SLITRK5: variants seen among roughly 807,000 people sequenced by gnomAD.
The protein encoded by SLITRK5 is SLIT and NTRK-like protein 5.
A neutral mutation model predicts 56.2 loss-of-function variants in SLITRK5; 23 were observed. The ratio of observed to expected loss-of-function variants is 0.41; its 90% CI spans 0.29 to 0.58. The LOEUF is 0.58. Among genes scored for constraint, SLITRK5 ranks in the 20% least tolerant of loss-of-function variants. The pLI, the probability that SLITRK5 is intolerant of heterozygous loss-of-function variation, is 0.30. For synonymous variants in SLITRK5, 637 were observed against 531.8 expected (o/e 1.20, Z -2.72); for missense variants, 1,289 against 1,226.6 (o/e 1.05, Z -0.76).
intron 1 of SLITRK5, chr13:87,673,421 G>A (rs1877129172): frequency 2.1e-6 from 1 of 480,942 alleles, no homozygotes. Context: ...TGTAAACGCT[G>A]GAGTTTAATA....
Position 87,676,035 on chromosome 13 carries a change from C to T in SLITRK5, c.647C>T (p.Pro216Leu). The change falls in exon 2 of 2, where the codon CCC becomes CTC. Residue 216 changes from proline (P) to leucine (L), a missense_variant. Physicochemically the swap from Pro to Leu is moderately conservative, Grantham distance 98. This residue lies in a region of SLITRK5 where 291 missense variants were observed against 286.7 expected (regional missense o/e 1.02). Coordinates refer to ENST00000683689, the MANE Select transcript of SLITRK5 (RefSeq NM_001384609.1). ...CGGGGGAACCGGCTGAAACTTCTGCCCTACGTGGGGCTCTTGCAGCACATG... is the reference window on the plus strand; with the variant it reads ...CGGGGGAACCGGCTGAAACTTCTGCTCTACGTGGGGCTCTTGCAGCACATG... Reference protein sequence around the residue: ...DLRGNRLKLLPYVGLLQHMDK... With the variant: ...DLRGNRLKLLLYVGLLQHMDK... The T allele has an allele frequency of 6.2e-7, 1 of 1,614,082 alleles. No individual in the cohort carries two copies.
At position 87,672,196 on chromosome 13, in the gene SLITRK5, T is replaced by G. The variant is rs1341046691; in HGVS notation, c.-22T>G. ...CTGGGTCGGAGAAAGTTGCCCCCTATGCAGATGGCAACTGTGAGTACCCCT... is the reference window on the plus strand; with the variant it reads ...CTGGGTCGGAGAAAGTTGCCCCCTAGGCAGATGGCAACTGTGAGTACCCCT... On this transcript the variant is annotated 5_prime_UTR_variant, in exon 1 of 2. The change abolishes an upstream ATG in the 5' untranslated region. Coordinates refer to ENST00000683689, the MANE Select transcript of SLITRK5 (RefSeq NM_001384609.1). Among the ~76,000 whole-genome samples the G allele has an allele frequency of 1.3e-5, 2 of 151,770 alleles. No homozygotes were observed. Among genetic ancestry groups the G allele is most frequent in the Admixed American group, 1.3e-4 (2 of 15,274 alleles).
At position 87,678,058 on chromosome 13, in the gene SLITRK5, C is replaced by T. The variant is rs1877376189; in HGVS notation, c.2670C>T (p.Ser890=). The T allele has an allele frequency of 6.2e-7, 1 of 1,614,146 alleles. No individual in the cohort carries two copies. Among genetic ancestry groups the T allele is most frequent in the Non-Finnish European group, 8.5e-7 (1 of 1,179,958 alleles). Residue 890 remains serine, a synonymous_variant, in exon 2 of 2, where the codon TCC becomes TCT. Transcript: ENST00000683689. ...GCAGCCCCGCTGCTTACACTTTCTC[C>T]CCCAACTATGACCTGAGACGCCCCC... is the stretch of plus-strand genomic sequence containing the variant. ...FPCSPAAYTF[S]PNYDLRRPHQ... is the part of the protein sequence containing the mutation.
chr13:87,677,553 G>A lies in SLITRK5; in HGVS notation c.2165G>A (p.Gly722Asp). 2 of 1,608,030 alleles carry A rather than the reference G, an allele frequency of 1.2e-6. No individual in the cohort carries two copies. The highest frequency in any genetic ancestry group is 1.7e-6 in the Non-Finnish European group (2 of 1,176,520). Reference sequence around the variant, plus strand: ...TACAGCGTGTACGGCGGCGGCGGCGGCACGGGCGGCCACCCACACGCGCAC... The same window carrying A: ...TACAGCGTGTACGGCGGCGGCGGCGACACGGGCGGCCACCCACACGCGCAC... ...MQYSVYGGGGGTGGHPHAHVH... is the reference protein window; with the variant it reads ...MQYSVYGGGGDTGGHPHAHVH... The change falls in exon 2 of 2, where the codon GGC (glycine) becomes GAC (aspartate). Residue 722 changes from glycine (G) to aspartate (D), a missense_variant. Transcript: ENST00000683689. This position sits in a 1 kb window ranked among gnomAD's most constrained non-coding sequence, Gnocchi z 4.7.
At position 87,676,526 on chromosome 13, in the gene SLITRK5, T is replaced by C. The variant is rs1246811058; in HGVS notation, c.1138T>C (p.Cys380Arg). Residue 380 changes from cysteine to arginine, a missense_variant, in exon 2 of 2, where the codon TGC (cysteine) becomes CGC (arginine). Physicochemically the swap from Cys to Arg is radical, Grantham distance 180. Around this residue, in one of 3 missense-constraint regions of SLITRK5, gnomAD observed 985 missense variants for 906.0 expected, o/e 1.09. Coordinates refer to ENST00000683689, the MANE Select transcript of SLITRK5 (RefSeq NM_001384609.1). Reference protein sequence around the residue: ...VPLECPTACSCNLQISDLGLN... With the variant: ...VPLECPTACSRNLQISDLGLN... ...TTTGGAGTGTCCCACCGCGTGCTCT[T>C]GCAACCTGCAGATCTCTGATCTGGG... 1 of 1,614,088 alleles carries C rather than the reference T, an allele frequency of 6.2e-7. No individual in the cohort carries two copies.
chr13:87,677,617 G>T lies in SLITRK5; in HGVS notation c.2229G>T (p.Thr743=), dbSNP rs1374156137. The change falls in exon 2 of 2, where the codon ACG becomes ACT. Residue 743 remains threonine, a synonymous_variant. Transcript: ENST00000683689. This position sits in a 1 kb window ranked among gnomAD's most constrained non-coding sequence, Gnocchi z 4.7. ...GGCCCGCGCTGCCCAAGGTGAAGAC[G>T]CCCGCGGGCCACGTGTATGAATACA... The part of the protein sequence containing the change: ...HRGPALPKVK[T]PAGHVYEYIP... 2 of 1,609,432 alleles carry T rather than the reference G, an allele frequency of 1.2e-6. No homozygotes were observed. Among genetic ancestry groups the T allele is most frequent in the Non-Finnish European group, 8.5e-7 (1 of 1,176,790 alleles).
In SLITRK5 at chr13:87,677,013, C is replaced by T. The variant is rs781758220; in HGVS notation, c.1625C>T (p.Ser542Phe). 1 of 1,614,160 alleles carries T rather than the reference C, an allele frequency of 6.2e-7. No individual in the cohort carries two copies. The highest frequency in any genetic ancestry group is 8.5e-7 in the Non-Finnish European group (1 of 1,180,026). Reference sequence around the variant, plus strand: ...AACCTGAGGAGTAACCACTTCACCTCCTTGCCAGTGAGTGGAGTTTTGGAC... The same window carrying T: ...AACCTGAGGAGTAACCACTTCACCTTCTTGCCAGTGAGTGGAGTTTTGGAC... ...RLNLRSNHFT[S>F]LPVSGVLDQL... is the part of the protein sequence containing the mutation. The change falls in exon 2 of 2, where the codon TCC becomes TTC. Residue 542 changes from serine to phenylalanine, a missense_variant. By Grantham distance (155) the Ser-to-Phe change is radical. Around this residue, in one of 3 missense-constraint regions of SLITRK5, gnomAD observed 985 missense variants for 906.0 expected, o/e 1.09. Coordinates refer to ENST00000683689, the MANE Select transcript of SLITRK5 (RefSeq NM_001384609.1). The surrounding 1 kb of genome is among the most constrained non-coding windows in gnomAD (Gnocchi z 4.7).
Position 87,676,153 on chromosome 13 carries a change from T to G in SLITRK5, c.765T>G (p.Tyr255Ter). 6.2e-7 allele frequency: 1 copy of G among 1,614,102 alleles called. No individual in the cohort carries two copies. The highest frequency in any genetic ancestry group is 8.5e-7 in the Non-Finnish European group (1 of 1,180,010). ...SLKDWLDSISYSALVGDVVCE... is the reference protein window; with the variant it reads ...SLKDWLDSIS ...AGGATTGGTTGGACAGCATCTCCTATTCAGCCCTGGTGGGGGATGTAGTTT... is the reference window on the plus strand; with the variant it reads ...AGGATTGGTTGGACAGCATCTCCTAGTCAGCCCTGGTGGGGGATGTAGTTT... The change falls in exon 2 of 2, where the codon TAT (tyrosine) becomes TAG (stop). Residue 255 changes from tyrosine to a stop codon, truncating the protein, a stop_gained. Coordinates refer to ENST00000683689, the MANE Select transcript of SLITRK5 (RefSeq NM_001384609.1). LOFTEE classifies it high-confidence loss of function.
Position 87,679,021 on chromosome 13 carries a change from C to T in SLITRK5, c.*756C>T, listed in dbSNP as rs145726322. The T allele has an allele frequency of 3.7e-4, 61 of 166,928 alleles. No homozygotes were observed. The highest frequency in any genetic ancestry group is 1.3e-3 in the African/African-American group (56 of 41,510). 10.3% of individuals were successfully genotyped at this position (166,928 alleles called of 1,614,324 possible). On this transcript the variant is annotated 3_prime_UTR_variant, in exon 2 of 2. Coordinates refer to ENST00000683689, the MANE Select transcript of SLITRK5 (RefSeq NM_001384609.1). ...TATTTTTATATGCACATTTAGCATT[C>T]CTCTTTCCTTCACTATTTAGCCTAT...
Position 87,676,100 on chromosome 13 carries a change from A to C in SLITRK5, c.712A>C (p.Asn238His). 6.2e-7 allele frequency: 1 copy of C among 1,614,052 alleles called. No individual in the cohort carries two copies. ...GCTACAGCTGGAGGAAAACCCTTGGAATTGTTCTTGTGAGCTGATCTCTCT... is the reference window on the plus strand; with the variant it reads ...GCTACAGCTGGAGGAAAACCCTTGGCATTGTTCTTGTGAGCTGATCTCTCT... ...VELQLEENPWNCSCELISLKD... is the reference protein window; with the variant it reads ...VELQLEENPWHCSCELISLKD... Residue 238 changes from asparagine (N) to histidine (H), a missense_variant, in exon 2 of 2, where the codon AAT becomes CAT. Asn to His is a moderately conservative substitution (Grantham distance 68). Coordinates refer to ENST00000683689, the MANE Select transcript of SLITRK5 (RefSeq NM_001384609.1).
Position 87,671,608 on chromosome 13 carries a change from C to A in SLITRK5, c.-610C>A, listed in dbSNP as rs1219129394. Among the ~76,000 whole-genome samples, 3 of 152,022 alleles carry A rather than the reference C, an allele frequency of 2.0e-5. No homozygotes were observed. Among genetic ancestry groups the A allele is most frequent in the Non-Finnish European group, 2.9e-5 (2 of 68,010 alleles). On this transcript the variant is annotated 5_prime_UTR_variant, in exon 1 of 2. Coordinates refer to ENST00000683689, the MANE Select transcript of SLITRK5 (RefSeq NM_001384609.1). ...GCCAGGACAAGCCACAGGCATAGAA[C>A]GACGCGGTTGCTGCCCGCCCCCCCC...
intron 1 of SLITRK5, among the ~76,000 whole-genome samples, chr13:87,675,017 T>A (rs1030701806): frequency 3.3e-5 from 5 of 151,960 alleles, no homozygotes; most frequent in African/African-American, 1.2e-4. Flanking sequence ...GCTTCTTTTT[T>A]CTTAAATTAG....
At position 87,675,654 on chromosome 13, in the gene SLITRK5, C is replaced by T. The variant is rs771347432; in HGVS notation, c.266C>T (p.Ser89Phe). ...TTCCCAATCTACCACCTCTTGTTGT[C>T]CGGAAACCTTTTGAACCGTCTCTAT... ...PRFPIYHLLLSGNLLNRLYPN... is the reference protein window; with the variant it reads ...PRFPIYHLLLFGNLLNRLYPN... The change falls in exon 2 of 2, where the codon TCC (serine) becomes TTC (phenylalanine). Residue 89 changes from serine to phenylalanine, a missense_variant. Physicochemically the swap from Ser to Phe is radical, Grantham distance 155. Around this residue, in one of 3 missense-constraint regions of SLITRK5, gnomAD observed 291 missense variants for 286.7 expected, o/e 1.02. Coordinates refer to ENST00000683689, the MANE Select transcript of SLITRK5 (RefSeq NM_001384609.1). 2 of 1,614,160 alleles carry T rather than the reference C, an allele frequency of 1.2e-6. No individual in the cohort carries two copies. Among genetic ancestry groups the T allele is most frequent in the East Asian group, 2.2e-5 (1 of 44,872 alleles).
At position 87,677,857 on chromosome 13, in the gene SLITRK5, G is replaced by C; in HGVS notation, c.2469G>C (p.Arg823=). The C allele has an allele frequency of 6.2e-7, 1 of 1,609,396 alleles. No individual in the cohort carries two copies. Among genetic ancestry groups the C allele is most frequent in the Non-Finnish European group, 8.5e-7 (1 of 1,178,104 alleles). Residue 823 remains arginine (R), a synonymous_variant, in exon 2 of 2, where the codon CGG becomes CGC. Coordinates refer to ENST00000683689, the MANE Select transcript of SLITRK5 (RefSeq NM_001384609.1). The surrounding 1 kb of genome is among the most constrained non-coding windows in gnomAD (Gnocchi z 4.7). ...LQLQPGEEER[R]ESHHLRSPAY... ...TGCAGCCCGGGGAGGAGGAGAGGCG[G>C]GAAAGCCACCACTTGCGGAGCCCCG...
In SLITRK5 at chr13:87,672,209, T is replaced by C. The variant is rs140392720; in HGVS notation, c.-9T>C. Among the ~76,000 whole-genome samples the C allele has an allele frequency of 7.2e-5, 11 of 152,014 alleles. No individual in the cohort carries two copies. In the East Asian group the frequency reaches 2.2e-3, roughly 30 times the overall value. ...AGTTGCCCCCTATGCAGATGGCAAC[T>C]GTGAGTACCCCTGTGGGGGGGAGGG... On this transcript the variant is annotated splice_region_variant and 5_prime_UTR_variant, in exon 1 of 2. Transcript: ENST00000683689.
In SLITRK5 at chr13:87,678,142, C is replaced by T. The variant is rs1297729654; in HGVS notation, c.2754C>T (p.Ser918=). 3 of 1,614,158 alleles carry T rather than the reference C, an allele frequency of 1.9e-6. No homozygotes were observed. The highest frequency in any genetic ancestry group is 2.2e-5 in the East Asian group (1 of 44,856). Residue 918 remains serine (S), a synonymous_variant, in exon 2 of 2, where the codon AGC becomes AGT. Coordinates refer to ENST00000683689, the MANE Select transcript of SLITRK5 (RefSeq NM_001384609.1). ...DSRLREPVLY[S]PPSAVFVEPN... is the part of the protein sequence containing the mutation. ...GGCTACGGGAACCGGTGCTCTACAG[C>T]CCCCCGAGTGCTGTCTTTGTAGAAC...
At chr13:87,674,898 T>C (rs1214326599) in intron 1 of SLITRK5, among the ~76,000 whole-genome samples, 1 of 147,874 alleles carries the variant, frequency 6.8e-6, no homozygotes, top group Non-Finnish European at 1.5e-5. Flanking sequence ...CTTGCCTCTC[T>C]GTGAACATGA....
At chr13:87,674,016 A>G (rs983715002) in intron 1 of SLITRK5, among the ~76,000 whole-genome samples, 1 of 146,392 alleles carries the variant, frequency 6.8e-6, no homozygotes, top group Non-Finnish European at 1.5e-5. Context: ...AAACACACAC[A>G]CACACACACA....
At position 87,677,298 on chromosome 13, in the gene SLITRK5, T is replaced by G. The variant is rs770967399; in HGVS notation, c.1910T>G (p.Val637Gly). 242 of 1,614,168 alleles carry G rather than the reference T, an allele frequency of 1.5e-4. 6 individuals are homozygous for G. The South Asian group carries it at 2.5e-3, about 17-fold the overall frequency. The change falls in exon 2 of 2, where the codon GTG (valine) becomes GGG (glycine). Residue 637 changes from valine (V) to glycine (G), a missense_variant. Val to Gly is a moderately radical substitution (Grantham distance 109). Transcript: ENST00000683689. This position sits in a 1 kb window ranked among gnomAD's most constrained non-coding sequence, Gnocchi z 4.7. The part of the protein sequence containing the change: ...SIQVPARTSA[V>G]TPAVRLNSTG... Reference sequence around the variant, plus strand: ...CAGGTCCCTGCGAGGACCAGCGCCGTGACTCCTGCGGTCCGGTTGAATAGC... The same window carrying G: ...CAGGTCCCTGCGAGGACCAGCGCCGGGACTCCTGCGGTCCGGTTGAATAGC...
Sources: allele counts gnomAD v4.1 joint callset (sites outside exome capture counted in the v4.1 genomes callset), GRCh38; gene constraint gnomAD v4.1.1; regional missense constraint gnomAD v4.1.1; non-coding constraint Gnocchi (gnomAD v3.1); transcripts MANE v1.5; gene names NCBI Gene and HGNC (gene_info 2026-07-23, HGNC 2026-07-21).